PTPRT: variants seen among roughly 807,000 people sequenced by gnomAD.
PTPRT encodes the protein receptor-type tyrosine-protein phosphatase T.
A neutral mutation model predicts 176.8 loss-of-function variants in PTPRT; 56 were observed. The observed-to-expected ratio is 0.32, with a 90% CI of 0.26 to 0.40. The LOEUF is 0.40. PTPRT is among the 10% of genes least tolerant of loss of function. PTPRT has a pLI of 1.00. For synonymous variants in PTPRT, 783 were observed against 739.0 expected, an observed-to-expected ratio of 1.06 and a Z score of -0.96; for missense variants, 1,540 against 1,908.2, an observed-to-expected ratio of 0.81 and a Z score of 3.60.
chr20:42,749,495 G>A (rs1423715920), intron 6 of PTPRT, among the ~76,000 whole-genome samples: 1 of 152,208 alleles, frequency 6.6e-6, no homozygotes, highest in East Asian at 1.9e-4. Flanking sequence ...TGGTATAAAA[G>A]AGACAGCATG....
intron 9 of PTPRT, among the ~76,000 whole-genome samples, chr20:42,443,781 G>T (rs909165621): frequency 6.6e-6 from 1 of 152,166 alleles, no homozygotes; most frequent in Admixed American, 6.5e-5. Flanking sequence ...TAAAAAGAGG[G>T]TGTCAAAGCT....
At chr20:43,025,047 AG>A (rs1354843938) in intron 1 of PTPRT, among the ~76,000 whole-genome samples, 2 of 152,224 alleles carry the variant, frequency 1.3e-5, no homozygotes, top group East Asian at 1.9e-4. Flanking sequence ...CTTGACTGAC[AG>A]AAACACAGCC....
chr20:42,470,120 G>A (rs561790348), intron 8 of PTPRT, among the ~76,000 whole-genome samples: 1 of 152,336 alleles, frequency 6.6e-6, no homozygotes, highest in African/African-American at 2.4e-5. Flanking sequence ...GTCAAGCCGG[G>A]TATTTTCTTT....
intron 17 of PTPRT, among the ~76,000 whole-genome samples, chr20:42,142,521 G>T (rs1218461894): frequency 2.6e-5 from 4 of 152,118 alleles, no homozygotes; most frequent in Admixed American, 2.6e-4. Flanking sequence ...CTCTGGGAGG[G>T]CTTCTCCAAG....
chr20:42,236,237 G>T lies in PTPRT; in HGVS notation c.2334C>A (p.Ser778=). Residue 778 remains serine, a synonymous_variant, in exon 15 of 31, where the codon TCC becomes TCA. Coordinates refer to ENST00000373187, the MANE Select transcript of PTPRT (RefSeq NM_007050.6). ...ACCAGCTCGATACTTACAAGTAATA[G>T]GAGTAGGAATAAGCATTTCTTCTAT... ...IKRRRNAYSY[S]YYLKLAKKQK... is the part of the protein sequence containing the mutation. 6.2e-7 allele frequency: 1 copy of T among 1,603,124 alleles called. No homozygotes were observed. The highest frequency in any genetic ancestry group is 8.5e-7 in the Non-Finnish European group (1 of 1,170,910).
intron 1 of PTPRT, among the ~76,000 whole-genome samples, chr20:43,151,856 T>A (rs1011233160): frequency 6.9e-6 from 1 of 145,800 alleles, no homozygotes; most frequent in Non-Finnish European, 1.5e-5. Flanking sequence ...AGAGCGAAAC[T>A]CCGTCTCAAA....
At chr20:42,351,848 C>A (rs771355129) in intron 10 of PTPRT, among the ~76,000 whole-genome samples, 2 of 152,190 alleles carry the variant, frequency 1.3e-5, no homozygotes, top group African/African-American at 4.8e-5. Context: ...TAATGCAAGC[C>A]TGTGGGAAAA....
At chr20:42,769,867 T>C (rs894412110) in intron 5 of PTPRT, among the ~76,000 whole-genome samples, 1 of 152,212 alleles carries the variant, frequency 6.6e-6, no homozygotes, top group Non-Finnish European at 1.5e-5. Context: ...GAAGGGTACA[T>C]ACCGCATGCT....
chr20:42,950,508 C>T (rs1981171189), intron 1 of PTPRT, among the ~76,000 whole-genome samples: 1 of 152,156 alleles, frequency 6.6e-6, no homozygotes, highest in Non-Finnish European at 1.5e-5. Flanking sequence ...TCTGTGGAAA[C>T]AGCATGGAAT....
chr20:43,075,423 T>C (rs1448890284), intron 1 of PTPRT, among the ~76,000 whole-genome samples: 1 of 152,258 alleles, frequency 6.6e-6, no homozygotes, highest in African/African-American at 2.4e-5. Context: ...GGATGGCAGT[T>C]GCTTTTCTTC....
At chr20:42,808,026 C>T (rs1182581104) in intron 2 of PTPRT, among the ~76,000 whole-genome samples, 1 of 152,212 alleles carries the variant, frequency 6.6e-6, no homozygotes, top group Non-Finnish European at 1.5e-5. Flanking sequence ...GCAGAGTGTA[C>T]TCCCAAGGTC....
At chr20:43,081,327 A>T (rs1420298283) in intron 1 of PTPRT, among the ~76,000 whole-genome samples, 1 of 152,214 alleles carries the variant, frequency 6.6e-6, no homozygotes, top group Non-Finnish European at 1.5e-5. Flanking sequence ...TTTTCCATTT[A>T]TCAATTGGCC....
intron 1 of PTPRT, among the ~76,000 whole-genome samples, chr20:42,898,883 A>G (rs1263847115): frequency 6.6e-6 from 1 of 152,142 alleles, no homozygotes; most frequent in Non-Finnish European, 1.5e-5. Context: ...AGGGGGAGAG[A>G]ACAGTCACCT....
At chr20:42,960,494 T>C (rs966580470) in intron 1 of PTPRT, among the ~76,000 whole-genome samples, 3 of 152,182 alleles carry the variant, frequency 2.0e-5, no homozygotes, top group Non-Finnish European at 4.4e-5. Context: ...TATTGTTGCA[T>C]TGGGGATTAA....
intron 1 of PTPRT, among the ~76,000 whole-genome samples, chr20:42,946,190 A>G (rs1211988132): frequency 1.3e-5 from 2 of 152,118 alleles, no homozygotes; most frequent in African/African-American, 4.8e-5. Flanking sequence ...CATCGGAATC[A>G]TTGCACCTGG....
At chr20:42,660,927 C>A (rs565880454) in intron 7 of PTPRT, among the ~76,000 whole-genome samples, 12 of 152,308 alleles carry the variant, frequency 7.9e-5, no homozygotes, top group Non-Finnish European at 1.6e-4. Flanking sequence ...TGTCGGCTCA[C>A]TGCAACCTCT....
chr20:42,765,150 T>C (rs1482946286), intron 5 of PTPRT, among the ~76,000 whole-genome samples: 1 of 152,194 alleles, frequency 6.6e-6, no homozygotes, highest in Non-Finnish European at 1.5e-5. Flanking sequence ...GCACAGGGCG[T>C]TTGGACACAT....
chr20:42,814,604 C>T (rs1297587929), intron 2 of PTPRT, among the ~76,000 whole-genome samples: 1 of 152,260 alleles, frequency 6.6e-6, no homozygotes, highest in South Asian at 2.1e-4. Flanking sequence ...CTAGGAATCA[C>T]GTAGCACATT....
chr20:42,089,128 G>T (rs1349854007), intron 27 of PTPRT, among the ~76,000 whole-genome samples: 1 of 152,144 alleles, frequency 6.6e-6, no homozygotes, highest in African/African-American at 2.4e-5. Context: ...GTGTGTGTGT[G>T]TGTGTCTTGT....
Sources: allele counts gnomAD v4.1 joint callset (sites outside exome capture counted in the v4.1 genomes callset), GRCh38; gene constraint gnomAD v4.1.1; transcripts MANE v1.5; gene names NCBI Gene and HGNC (gene_info 2026-07-23, HGNC 2026-07-21).